The following FAM20A variants were observed in gnomAD, a reference collection of about 807,000 sequenced individuals.
FAM20A encodes the protein FAM20A golgi associated secretory pathway pseudokinase, also known as pseudokinase FAM20A.
FAM20A carries 42 observed loss-of-function variants against 52.0 expected under a neutral mutation model. The ratio of observed to expected loss-of-function variants is 0.81; its 90% CI spans 0.63 to 1.04. The LOEUF (loss-of-function observed/expected upper bound fraction) is 1.04, where lower values mean the gene tolerates loss of function less well. FAM20A is among the 50% of genes least tolerant of loss of function. FAM20A has a pLI of 0.00. For missense variants in FAM20A, 742 were observed against 712.7 expected (o/e 1.04, Z -0.47); for synonymous variants, 304 against 298.9 (o/e 1.02, Z -0.18).
At chr17:68,569,324 A>G (rs984835785) in intron 1 of FAM20A, among the ~76,000 whole-genome samples, 5 of 152,064 alleles carry the variant, frequency 3.3e-5, no homozygotes, top group Admixed American at 1.3e-4. Context: ...CTCTACCACC[A>G]TCACCCTAGC....
At chr17:68,588,885 A>G (rs1006565550) in intron 1 of FAM20A, among the ~76,000 whole-genome samples, 2 of 152,194 alleles carry the variant, frequency 1.3e-5, no homozygotes, top group Admixed American at 6.5e-5. Flanking sequence ...ACTTTAACAT[A>G]TGGCACGGGG....
chr17:68,546,098 G>C, intron 4 of FAM20A, among the ~76,000 whole-genome samples: 1 of 148,710 alleles, frequency 6.7e-6, no homozygotes, highest in South Asian at 2.2e-4. Context: ...GAACCCAGGA[G>C]GCAGAGGTTG....
intron 1 of FAM20A, among the ~76,000 whole-genome samples, chr17:68,561,892 G>C (rs143939345): frequency 0.028 from 4,261 of 152,036 alleles, 190 homozygotes; most frequent in African/African-American, 0.097. Flanking sequence ...GTATGATCTT[G>C]GCTCACTGCA....
Position 68,595,972 on chromosome 17 carries a change from ACTT to A in FAM20A, c.404+4288_404+4290del, listed in dbSNP as rs572291617. ...GCTGAATTCCTTTTCATCTCTCCTG[ACTT>A]CTTCTCCACCCTTCTCCTCTATCTG... On this transcript the variant is annotated intron_variant, in intron 1 of 10. Coordinates refer to ENST00000592554, the MANE Select transcript of FAM20A (RefSeq NM_017565.4). Among the ~76,000 whole-genome samples, 294 of 152,178 alleles carry A rather than the reference ACTT, an allele frequency of 1.9e-3. 2 individuals carry two copies. The highest frequency in any genetic ancestry group is 6.4e-3 in the African/African-American group (267 of 41,510).
At chr17:68,572,004 ATATATATATAT>A (rs1568762392) in intron 1 of FAM20A, among the ~76,000 whole-genome samples, 1 of 36,024 alleles carries the variant, frequency 2.8e-5, no homozygotes, top group African/African-American at 1.1e-4. Context: ...ATATATATAT[ATATATATATAT>A]ATATATATAT....
chr17:68,539,900 A>G lies in FAM20A; in HGVS notation c.1286T>C (p.Leu429Pro), dbSNP rs759779146. ...GGAAGCTCACCCTCTGGCGTTGTCA[A>G]GGTGAATAAGGAACCCATCATCCCC... ...KFGDDGFLIH[L>P]DNARGFGRHS... is the part of the protein sequence containing the mutation. Residue 429 changes from leucine (L) to proline (P), a missense_variant, in exon 9 of 11, where the codon CTT (leucine) becomes CCT (proline). Coordinates refer to ENST00000592554, the MANE Select transcript of FAM20A (RefSeq NM_017565.4). 1.3e-5 allele frequency: 21 copies of G among 1,614,036 alleles called. No individual in the cohort carries two copies. In the Admixed American group the frequency reaches 1.7e-4, roughly 13 times the overall value.
At chr17:68,575,575 ATATATTC>A (rs1409779356) in intron 1 of FAM20A, among the ~76,000 whole-genome samples, 2 of 104,270 alleles carry the variant, frequency 1.9e-5, no homozygotes, top group Non-Finnish European at 3.7e-5. Flanking sequence ...ATATTATATA[ATATATTC>A]TATATTTTAT....
At chr17:68,596,347 G>C (rs2088452562) in intron 1 of FAM20A, among the ~76,000 whole-genome samples, 1 of 152,194 alleles carries the variant, frequency 6.6e-6, no homozygotes, top group African/African-American at 2.4e-5. Context: ...CTACATTAGG[G>C]AGAGCTGACC....
At chr17:68,585,100 C>T (rs1206187113) in intron 1 of FAM20A, among the ~76,000 whole-genome samples, 2 of 152,124 alleles carry the variant, frequency 1.3e-5, no homozygotes, top group Non-Finnish European at 2.9e-5. Flanking sequence ...ATTGATTACC[C>T]GCTGGCTCGC....
intron 1 of FAM20A, among the ~76,000 whole-genome samples, chr17:68,563,255 A>G (rs2087269619): frequency 2.0e-5 from 3 of 151,848 alleles, no homozygotes; most frequent in Non-Finnish European, 2.9e-5. Flanking sequence ...GTGTGGTGGC[A>G]GGCGCCTGTA....
intron 1 of FAM20A, among the ~76,000 whole-genome samples, chr17:68,564,405 A>AT (rs1244146743): frequency 1.3e-5 from 2 of 152,116 alleles, no homozygotes; most frequent in African/African-American, 2.4e-5. Flanking sequence ...GTGGATGATG[A>AT]TTTTTTTCAA....
Position 68,585,333 on chromosome 17 carries a change from C to T in FAM20A, c.404+14930G>A, listed in dbSNP as rs572983750. On this transcript the variant is annotated intron_variant, in intron 1 of 10. Transcript: ENST00000592554. ...AACAAACACTATGTTTATTAATATC[C>T]CTCTATTCAACCCCTCTGCCTCCCA... is the stretch of plus-strand genomic sequence containing the variant. Among the ~76,000 whole-genome samples the T allele has an allele frequency of 9.5e-5, 12 of 125,880 alleles. No homozygotes were observed. In the South Asian group the frequency reaches 1.3e-3, roughly 14 times the overall value. The allele number at this position is 125,880 out of a possible 152,430, so 82.6% of individuals were successfully genotyped here.
chr17:68,581,749 T>A lies in FAM20A; in HGVS notation c.404+18514A>T, dbSNP rs140326115. On this transcript the variant is annotated intron_variant, in intron 1 of 10. Coordinates refer to ENST00000592554, the MANE Select transcript of FAM20A (RefSeq NM_017565.4). ...CACCACCATGCCCGGCTAATTTTTG[T>A]ATTTTTAGTAGAGACAGGGTTTCAC... 4.1e-3 allele frequency among the ~76,000 whole-genome samples: 623 copies of A among 152,056 alleles called. 8 individuals are homozygous for A. Among genetic ancestry groups the A allele is most frequent in the African/African-American group, 0.015 (604 of 41,472 alleles).
In FAM20A at chr17:68,581,492, C is replaced by CTT. The variant is rs1329850793; in HGVS notation, c.404+18769_404+18770dup. On this transcript the variant is annotated intron_variant, in intron 1 of 10. Coordinates refer to ENST00000592554, the MANE Select transcript of FAM20A (RefSeq NM_017565.4). ...TTTCTTTCTTTCTTTCTTTCTTTTT[C>CTT]TTTCTTTCTTCTTTCTCTTTCTCTC... 1.9e-4 allele frequency among the ~76,000 whole-genome samples: 15 copies of CTT among 80,950 alleles called. 1 individual carries two copies. The highest frequency in any genetic ancestry group is 5.5e-4 in the African/African-American group (14 of 25,370). 53.1% of individuals were successfully genotyped at this position (80,950 alleles called of 152,430 possible).
chr17:68,563,246 T>C (rs1204961234), intron 1 of FAM20A, among the ~76,000 whole-genome samples: 2 of 151,388 alleles, frequency 1.3e-5, no homozygotes, highest in African/African-American at 4.9e-5. Context: ...ATTAGCCGGG[T>C]GTGGTGGCAG....
chr17:68,563,122 A>T (rs1006958187), intron 1 of FAM20A, among the ~76,000 whole-genome samples: 1 of 152,184 alleles, frequency 6.6e-6, no homozygotes, highest in African/African-American at 2.4e-5. Flanking sequence ...GCAGTGGCTC[A>T]CACCTGGAAT....
Position 68,540,910 on chromosome 17 carries a change from C to T in FAM20A, c.1158G>A (p.Pro386=), listed in dbSNP as rs369649702. The change falls in exon 8 of 11, where the codon CCG becomes CCA. Residue 386 remains proline, a synonymous_variant. Transcript: ENST00000592554. ...TGAGGAGCCGCTGGCTGTTGTTGTA[C>T]GGGTAGATCTGTTTCACTGTGTCAC... is the stretch of plus-strand genomic sequence containing the variant. ...LYCDTVKQIY[P]YNNSQRLLNV... is the part of the protein sequence containing the mutation. 7.1e-5 allele frequency: 114 copies of T among 1,604,014 alleles called. No homozygotes were observed. Among genetic ancestry groups the T allele is most frequent in the South Asian group, 3.9e-4 (35 of 89,322 alleles).
chr17:68,577,132 C>T (rs1283810534), intron 1 of FAM20A, among the ~76,000 whole-genome samples: 2 of 152,226 alleles, frequency 1.3e-5, no homozygotes, highest in African/African-American at 2.4e-5. Flanking sequence ...GAGCTGCCAA[C>T]GGTGACCACT....
intron 4 of FAM20A, among the ~76,000 whole-genome samples, chr17:68,548,772 G>A (rs575362522): frequency 6.7e-5 from 8 of 119,652 alleles, no homozygotes; most frequent in Admixed American, 3.3e-4. Context: ...TCCCTCTGTC[G>A]CCTGGGCTGG....
Sources: allele counts gnomAD v4.1 joint callset (sites outside exome capture counted in the v4.1 genomes callset), GRCh38; gene constraint gnomAD v4.1.1; transcripts MANE v1.5; gene names NCBI Gene and HGNC (gene_info 2026-07-23, HGNC 2026-07-21).